The following MACROD2 variants were observed in gnomAD, a reference collection of about 807,000 sequenced individuals.
MACROD2 encodes the protein ADP-ribose glycohydrolase MACROD2.
A neutral mutation model predicts 70.4 loss-of-function variants in MACROD2; 36 were observed. The observed-to-expected ratio is 0.51, with a 90% CI of 0.39 to 0.68. The LOEUF is 0.68. Ranked by LOEUF, MACROD2 falls within the 30% of genes least tolerant of loss-of-function variation. MACROD2 has a pLI of 0.00. For synonymous variants in MACROD2, 172 were observed against 178.8 expected, an observed-to-expected ratio of 0.96 and a Z score of 0.30; for missense variants, 496 against 538.4, an observed-to-expected ratio of 0.92 and a Z score of 0.78.
intron 5 of MACROD2, among the ~76,000 whole-genome samples, chr20:15,095,061 CTTCTT>C (rs1196427517): frequency 4.4e-5 from 2 of 45,860 alleles, no homozygotes; most frequent in Non-Finnish European, 7.1e-5. Context: ...GTGGTCTCCT[CTTCTT>C]TTTTTTTTTT....
intron 7 of MACROD2, among the ~76,000 whole-genome samples, chr20:15,481,196 G>T (rs1310938717): frequency 6.6e-6 from 1 of 152,222 alleles, no homozygotes; most frequent in Non-Finnish European, 1.5e-5. Flanking sequence ...AACAAAAATA[G>T]AAGATGCCAT....
At chr20:15,003,778 A>G (rs1314355790) in intron 5 of MACROD2, among the ~76,000 whole-genome samples, 2 of 152,204 alleles carry the variant, frequency 1.3e-5, no homozygotes, top group Non-Finnish European at 2.9e-5. Flanking sequence ...CTGCTAAGGT[A>G]TAGACATAAA....
chr20:14,329,386 A>G (rs1449959750), intron 3 of MACROD2: 1 of 152,136 alleles, frequency 6.6e-6, no homozygotes, highest in East Asian at 1.9e-4. Flanking sequence ...TACTAGAGAA[A>G]TTTCCTAGAC....
rs4341762 is a variant in MACROD2 at position 16,047,155 on chromosome 20, C to G, written c.1300+2516C>G. 2.4e-3 allele frequency among the ~76,000 whole-genome samples: 369 copies of G among 152,246 alleles called. 1 individual carries two copies. Among genetic ancestry groups the G allele is most frequent in the Non-Finnish European group, 3.8e-3 (261 of 68,008 alleles). On this transcript the variant is annotated intron_variant, in intron 17 of 17. Transcript: ENST00000684519. ...AGAATGAATGATTTGTGCAACGTCA[C>G]TGACTCCCACAGCAATATTTACACA...
chr20:14,970,629 A>G (rs1406639740), intron 5 of MACROD2, among the ~76,000 whole-genome samples: 1 of 151,614 alleles, frequency 6.6e-6, no homozygotes, highest in Non-Finnish European at 1.5e-5. Flanking sequence ...ATTTGATTAA[A>G]TTTTTTAAAA....
At chr20:14,675,474 A>G (rs905320084) in intron 4 of MACROD2, among the ~76,000 whole-genome samples, 1 of 152,178 alleles carries the variant, frequency 6.6e-6, no homozygotes, top group African/African-American at 2.4e-5. Context: ...AGTGAAGGAG[A>G]AATAAAATCC....
chr20:15,917,989 G>A (rs911315538), intron 10 of MACROD2, among the ~76,000 whole-genome samples: 4 of 152,100 alleles, frequency 2.6e-5, no homozygotes, highest in South Asian at 2.1e-4. Context: ...TTGCTGACTC[G>A]AGGTCCTACA....
intron 3 of MACROD2, among the ~76,000 whole-genome samples, chr20:14,453,275 G>C (rs1307242062): frequency 1.3e-5 from 2 of 152,118 alleles, no homozygotes; most frequent in Non-Finnish European, 2.9e-5. Context: ...CCTCTGATGT[G>C]TGTCCCTACT....
At chr20:15,689,041 C>T (rs888926443) in intron 8 of MACROD2, among the ~76,000 whole-genome samples, 3 of 152,202 alleles carry the variant, frequency 2.0e-5, no homozygotes, top group Non-Finnish European at 4.4e-5. Flanking sequence ...TGATGGCTCA[C>T]GCCTGTAATC....
At chr20:15,658,778 T>C (rs1042949755) in intron 8 of MACROD2, among the ~76,000 whole-genome samples, 3 of 152,098 alleles carry the variant, frequency 2.0e-5, no homozygotes, top group Non-Finnish European at 4.4e-5. Context: ...AACTCTAATA[T>C]AGTCTACATG....
intron 3 of MACROD2, among the ~76,000 whole-genome samples, chr20:14,205,096 A>G (rs1468961263): frequency 6.6e-6 from 1 of 152,210 alleles, no homozygotes; most frequent in African/African-American, 2.4e-5. Context: ...TTGATCAAAT[A>G]TCTGGAACAG....
Position 14,412,563 on chromosome 20 carries a change from T to C in MACROD2, c.272-80916T>C, listed in dbSNP as rs1363217741. ...CTAGTAATGGTGAGAAGTGTAAACA[T>C]AGGGATAAGAGACAAGGCAGTGATC... On this transcript the variant is annotated intron_variant, in intron 3 of 17. Coordinates refer to ENST00000684519, the MANE Select transcript of MACROD2 (RefSeq NM_001351661.2). 9.9e-5 allele frequency among the ~76,000 whole-genome samples: 15 copies of C among 152,248 alleles called. 1 individual carries two copies. Among genetic ancestry groups the C allele is most frequent in the Non-Finnish European group, 5.9e-5 (4 of 68,018 alleles).
chr20:15,640,493 A>C (rs1261519864), intron 8 of MACROD2, among the ~76,000 whole-genome samples: 1 of 152,210 alleles, frequency 6.6e-6, no homozygotes, highest in Non-Finnish European at 1.5e-5. Context: ...CACATGTCCC[A>C]CTGCCATAGC....
intron 3 of MACROD2, among the ~76,000 whole-genome samples, chr20:14,361,568 T>G (rs2083221869): frequency 2.0e-5 from 3 of 152,214 alleles, no homozygotes; most frequent in Admixed American, 2.0e-4. Flanking sequence ...AGCTCAAACT[T>G]CAAAATGGAG....
At chr20:15,998,807 G>T (rs999641243) in intron 15 of MACROD2, among the ~76,000 whole-genome samples, 5 of 151,936 alleles carry the variant, frequency 3.3e-5, no homozygotes, top group Admixed American at 6.6e-5. Context: ...CTCGTGATCT[G>T]CCCGTCTCGG....
chr20:15,204,296 T>A (rs2145933294), intron 5 of MACROD2, among the ~76,000 whole-genome samples: 1 of 152,242 alleles, frequency 6.6e-6, no homozygotes, highest in Non-Finnish European at 1.5e-5. Context: ...CGAGTGCAAG[T>A]CATTATGTGC....
intron 8 of MACROD2, among the ~76,000 whole-genome samples, chr20:15,795,887 C>G (rs1406922483): frequency 1.3e-5 from 2 of 152,176 alleles, no homozygotes; most frequent in African/African-American, 2.4e-5. Context: ...CCACAGAAGG[C>G]TGGACAGTCC....
chr20:15,050,798 GAA>G (rs34982987), intron 5 of MACROD2, among the ~76,000 whole-genome samples: 5,070 of 141,398 alleles, frequency 0.036, 111 homozygotes, highest in African/African-American at 0.06. Context: ...GAAGGTATGT[GAA>G]AAAAAAAAAA....
chr20:14,028,549 G>A (rs911693458), intron 2 of MACROD2, among the ~76,000 whole-genome samples: 1 of 152,210 alleles, frequency 6.6e-6, no homozygotes, highest in African/African-American at 2.4e-5. Flanking sequence ...GGCCCTGGTG[G>A]TGTAGGCAAC....
Sources: allele counts gnomAD v4.1 joint callset (sites outside exome capture counted in the v4.1 genomes callset), GRCh38; gene constraint gnomAD v4.1.1; transcripts MANE v1.5; gene names NCBI Gene and HGNC (gene_info 2026-07-23, HGNC 2026-07-21).